Variants in DACH2 observed in about 807,000 individuals in gnomAD.
The protein encoded by DACH2 is dachshund homolog 2.
Under a neutral mutation model 35.8 loss-of-function variants are expected in DACH2, and 17 were observed. That is an observed-to-expected ratio of 0.48 (90% confidence interval 0.33 to 0.71). The LOEUF (loss-of-function observed/expected upper bound fraction) is 0.71. Ranked by LOEUF, DACH2 falls within the 30% of genes least tolerant of loss-of-function variation. The pLI, the probability that DACH2 is intolerant of heterozygous loss-of-function variation, is 0.02. For missense variants in DACH2, 469 were observed against 472.7 expected, an observed-to-expected ratio of 0.99 and a Z score of 0.07; for synonymous variants, 195 against 177.3, an observed-to-expected ratio of 1.10 and a Z score of -0.79.
chrX:86,553,379 A>G (rs2039076162), intron 3 of DACH2, among the ~76,000 whole-genome samples: 1 of 111,509 alleles, frequency 9.0e-6, no homozygotes, highest in Non-Finnish European at 1.9e-5. Flanking sequence ...AGCTGATTAG[A>G]TGGTGCCCAC....
rs1378300889 is a variant in DACH2 at position 86,698,519 on chromosome X, G to GTTTTTTTTTTTTTTTTTTTTT, written c.931+3341_931+3342insTTTTTTTTTTTTTTTTTTTTT. ...TTCTTCTTTTTGTTTTGTTAGTTTTGTGTTTTTTTTTTTTTTTTTTTTTTT... is the reference window on the plus strand; with the variant it reads ...TTCTTCTTTTTGTTTTGTTAGTTTTGTTTTTTTTTTTTTTTTTTTTTTGTTTTTTTTTTTTTTTTTTTTTTT... On this transcript the variant is annotated intron_variant, in intron 5 of 11. Transcript: ENST00000373125. 1.2e-3 allele frequency among the ~76,000 whole-genome samples: 37 copies of GTTTTTTTTTTTTTTTTTTTTT among 32,081 alleles called. 7 individuals carry two copies. Among genetic ancestry groups the GTTTTTTTTTTTTTTTTTTTTT allele is most frequent in the Admixed American group, 3.6e-3 (9 of 2,468 alleles). 27.9% of individuals were successfully genotyped at this position (32,081 alleles called of 115,157 possible).
intron 2 of DACH2, among the ~76,000 whole-genome samples, chrX:86,408,467 A>G (rs182838379): frequency 1.1e-3 from 125 of 111,943 alleles, no homozygotes; most frequent in African/African-American, 3.9e-3. Flanking sequence ...AAATTCTAAT[A>G]TAGATGGAGT....
At chrX:86,529,977 G>GCGCA (rs768815299) in intron 3 of DACH2, among the ~76,000 whole-genome samples, 1 of 84,245 alleles carries the variant, frequency 1.2e-5, no homozygotes. Flanking sequence ...ACACACACAC[G>GCGCA]CACACACACA....
chrX:86,427,506 A>T (rs2036913736), intron 2 of DACH2, among the ~76,000 whole-genome samples: 2 of 111,005 alleles, frequency 1.8e-5, no homozygotes, highest in Admixed American at 9.6e-5. Context: ...TAAATGTTAG[A>T]AATGAAAGTT....
At chrX:86,796,030 C>A (rs181318573) in intron 7 of DACH2, among the ~76,000 whole-genome samples, 1 of 111,835 alleles carries the variant, frequency 8.9e-6, no homozygotes, top group South Asian at 3.8e-4. Flanking sequence ...GGGACCTGAG[C>A]GGGTTGCCGC....
intron 7 of DACH2, among the ~76,000 whole-genome samples, chrX:86,782,201 TG>T (rs1226383443): frequency 3.6e-5 from 4 of 111,576 alleles, no homozygotes; most frequent in Non-Finnish European, 7.5e-5. Flanking sequence ...CACTAAAAAG[TG>T]GGAAAATGTT....
At chrX:86,647,487 G>A (rs1044590551) in intron 3 of DACH2, among the ~76,000 whole-genome samples, 5 of 110,702 alleles carry the variant, frequency 4.5e-5, no homozygotes, top group African/African-American at 1.6e-4. Flanking sequence ...ACTCATGGAA[G>A]CAGATATTAG....
At chrX:86,543,701 T>C (rs1408588525) in intron 3 of DACH2, among the ~76,000 whole-genome samples, 1 of 109,855 alleles carries the variant, frequency 9.1e-6, no homozygotes, top group African/African-American at 3.3e-5. Flanking sequence ...TTACTGAGAA[T>C]GATGATTTCC....
At chrX:86,161,732 G>A (rs1401596481) in intron 1 of DACH2, among the ~76,000 whole-genome samples, 1 of 112,199 alleles carries the variant, frequency 8.9e-6, no homozygotes, top group African/African-American at 3.2e-5. Flanking sequence ...AACTGCTCCA[G>A]TGTTTAATTG....
intron 1 of DACH2, among the ~76,000 whole-genome samples, chrX:86,150,102 C>T (rs1456656042): frequency 9.2e-6 from 1 of 108,180 alleles, no homozygotes; most frequent in Non-Finnish European, 1.9e-5. Flanking sequence ...TTCAATGTTT[C>T]TGAGTTTAAA....
At chrX:86,527,234 T>G (rs775192722) in intron 3 of DACH2, among the ~76,000 whole-genome samples, 1 of 111,569 alleles carries the variant, frequency 9.0e-6, no homozygotes, top group Non-Finnish European at 1.9e-5. Flanking sequence ...ATGAAATAAA[T>G]TGTACATAGA....
chrX:86,797,749 G>A (rs772624346), intron 7 of DACH2, among the ~76,000 whole-genome samples: 1 of 111,633 alleles, frequency 9.0e-6, no homozygotes. Flanking sequence ...ATTCAGAAGG[G>A]TGTCACACAG....
At chrX:86,278,648 G>C (rs1290507856) in intron 1 of DACH2, among the ~76,000 whole-genome samples, 1 of 111,936 alleles carries the variant, frequency 8.9e-6, no homozygotes, top group Non-Finnish European at 1.9e-5. Flanking sequence ...GACTTTTGGA[G>C]TTTCTTTTAT....
intron 5 of DACH2, among the ~76,000 whole-genome samples, chrX:86,712,955 C>T (rs1032811926): frequency 6.3e-5 from 7 of 111,442 alleles, no homozygotes; most frequent in African/African-American, 2.0e-4. Context: ...ATTCTGATAA[C>T]ACTGCATTTT....
intron 3 of DACH2, among the ~76,000 whole-genome samples, chrX:86,590,845 G>A (rs2039635306): frequency 9.1e-6 from 1 of 110,072 alleles, no homozygotes; most frequent in Non-Finnish European, 1.9e-5. Context: ...TTAAGTTTTA[G>A]GGTACATGTG....
At chrX:86,508,310 G>A (rs1177378225) in intron 2 of DACH2, among the ~76,000 whole-genome samples, 1 of 111,304 alleles carries the variant, frequency 9.0e-6, no homozygotes, top group Non-Finnish European at 1.9e-5. Flanking sequence ...CATAATCCCA[G>A]CATTTTGGGA....
intron 2 of DACH2, among the ~76,000 whole-genome samples, chrX:86,489,942 T>G (rs1395497631): frequency 8.9e-6 from 1 of 111,988 alleles, no homozygotes; most frequent in African/African-American, 3.2e-5. Flanking sequence ...AGAAAGTTAC[T>G]AGAAAATAGC....
At chrX:86,149,188 T>C in intron 1 of DACH2, 80 bp downstream of exon 1, 2 of 1,065,779 alleles carry the variant, frequency 1.9e-6, no homozygotes, top group Middle Eastern at 5.2e-4. Context: ...CTCATCCAAC[T>C]TTGTTTGTAG....
At position 86,160,447 on chromosome X, in the gene DACH2, A is replaced by G. The variant is rs192536166; in HGVS notation, c.488+11339A>G. 4,128 of 534,595 alleles carry G rather than the reference A, an allele frequency of 7.7e-3. 16 individuals are homozygous for G. The highest frequency in any genetic ancestry group is 0.011 in the Non-Finnish European group (3,410 of 298,321). 44.1% of individuals were successfully genotyped at this position (534,595 alleles called of 1,213,427 possible). ...CAGCATCACCGGACTTCAAGAATTT[A>G]GAGCCATCTTCCAGCTTCTTACCAG... On this transcript the variant is annotated intron_variant, in intron 1 of 11. Coordinates refer to ENST00000373125, the MANE Select transcript of DACH2 (RefSeq NM_053281.3).
Sources: gnomAD v4.1 joint callset for allele counts (sites outside exome capture counted in the v4.1 genomes callset) on GRCh38, gnomAD v4.1.1 for gene constraint, MANE v1.5 for transcripts, NCBI Gene and HGNC (gene_info 2026-07-23, HGNC 2026-07-21) for gene names.